Variants in SHROOM3 observed in about 807,000 individuals in gnomAD.
The protein encoded by SHROOM3 is protein Shroom3.
In SHROOM3, 47 loss-of-function variants were observed where a neutral mutation model predicts 138.6. The ratio of observed to expected loss-of-function variants is 0.34; its 90% confidence interval spans 0.27 to 0.43. The LOEUF is 0.43. Ranked by LOEUF, SHROOM3 falls within the 20% of genes least tolerant of loss-of-function variation. The pLI is 1.00. For missense variants in SHROOM3, 2,491 were observed against 2,596.5 expected (o/e 0.96, Z 0.88); for synonymous variants, 1,062 against 1,063.3 (o/e 1.00, Z 0.02).
chr4:76,472,346 T>C (rs1019805181), intron 1 of SHROOM3, among the ~76,000 whole-genome samples: 2 of 152,240 alleles, frequency 1.3e-5, no homozygotes, highest in Non-Finnish European at 2.9e-5. Context: ...ATGATATTTG[T>C]TATCAAATAT....
chr4:76,444,599 C>A (rs750259610), intron 1 of SHROOM3, among the ~76,000 whole-genome samples: 1 of 147,512 alleles, frequency 6.8e-6, no homozygotes, highest in African/African-American at 2.5e-5. Flanking sequence ...CGGGTTCAAG[C>A]GATTCTCCTG....
intron 2 of SHROOM3, among the ~76,000 whole-genome samples, chr4:76,612,012 GAC>G (rs1201618272): frequency 1.3e-5 from 2 of 152,176 alleles, no homozygotes; most frequent in Non-Finnish European, 2.9e-5. Context: ...AACTTGCTCA[GAC>G]ACAGTTCTTT....
At chr4:76,525,889 C>T (rs1732678844) in intron 1 of SHROOM3, among the ~76,000 whole-genome samples, 1 of 152,176 alleles carries the variant, frequency 6.6e-6, no homozygotes, top group Non-Finnish European at 1.5e-5. Context: ...ACATCCTCAT[C>T]TCTTTCCCAG....
At chr4:76,722,033 C>T (rs1162097460) in intron 3 of SHROOM3, among the ~76,000 whole-genome samples, 1 of 152,012 alleles carries the variant, frequency 6.6e-6, no homozygotes, top group Non-Finnish European at 1.5e-5. Context: ...ACTTAGGAGG[C>T]TGTGATGGGA....
chr4:76,743,301 C>T (rs1429975788), intron 5 of SHROOM3, among the ~76,000 whole-genome samples: 1 of 152,230 alleles, frequency 6.6e-6, no homozygotes, highest in African/African-American at 2.4e-5. Context: ...GCTACTTGCT[C>T]TTACCAGTCA....
rs183452071 is a variant in SHROOM3 at position 76,625,629 on chromosome 4, C to T, written c.323+69866C>T. On this transcript the variant is annotated intron_variant, in intron 2 of 10. Transcript: ENST00000296043. The stretch of plus-strand genomic sequence containing the variant: ...CCAGCCTCATACCTGACCACAGCAT[C>T]CTTCCTTTCCTACTTCACACTCCAA... Among the ~76,000 whole-genome samples, 6 of 152,258 alleles carry T rather than the reference C, an allele frequency of 3.9e-5. No individual in the cohort carries two copies. The East Asian group carries it at 1.2e-3, about 29-fold the overall frequency.
intron 2 of SHROOM3, among the ~76,000 whole-genome samples, chr4:76,648,373 C>T (rs1235294296): frequency 6.6e-6 from 1 of 152,138 alleles, no homozygotes; most frequent in Admixed American, 6.5e-5. Flanking sequence ...CTTAACTTTT[C>T]ATAAGTGTCT....
intron 2 of SHROOM3, among the ~76,000 whole-genome samples, chr4:76,669,438 T>A (rs1718812119): frequency 6.6e-6 from 1 of 152,082 alleles, no homozygotes; most frequent in Non-Finnish European, 1.5e-5. Flanking sequence ...CTGGCCAACA[T>A]GGTAAAACCC....
intron 2 of SHROOM3, among the ~76,000 whole-genome samples, chr4:76,700,814 T>G (rs1719884476): frequency 6.6e-6 from 1 of 152,016 alleles, no homozygotes; most frequent in South Asian, 2.1e-4. Context: ...AGAGTCTCAC[T>G]CTGTCACCCA....
At chr4:76,684,237 C>G (rs537618084) in intron 2 of SHROOM3, among the ~76,000 whole-genome samples, 14 of 152,322 alleles carry the variant, frequency 9.2e-5, no homozygotes, top group Admixed American at 9.1e-4. Context: ...CAATTCTTGT[C>G]TCCTTAATGA....
At chr4:76,598,184 G>A (rs989092812) in intron 2 of SHROOM3, among the ~76,000 whole-genome samples, 8 of 152,036 alleles carry the variant, frequency 5.3e-5, no homozygotes, top group Middle Eastern at 3.4e-3. Flanking sequence ...CTGCCACCAC[G>A]CCTGGCTAAT....
intron 2 of SHROOM3, among the ~76,000 whole-genome samples, chr4:76,681,214 C>T: frequency 6.6e-6 from 1 of 152,182 alleles, no homozygotes; most frequent in East Asian, 1.9e-4. Flanking sequence ...CTCCCCTCCT[C>T]TTAGTTAGCA....
At chr4:76,545,934 C>T (rs1733207433) in intron 1 of SHROOM3, among the ~76,000 whole-genome samples, 1 of 152,170 alleles carries the variant, frequency 6.6e-6, no homozygotes, top group Non-Finnish European at 1.5e-5. Flanking sequence ...CACCTCTTTT[C>T]TTATGCTTCC....
At chr4:76,526,966 T>C (rs1189389759) in intron 1 of SHROOM3, among the ~76,000 whole-genome samples, 3 of 152,200 alleles carry the variant, frequency 2.0e-5, no homozygotes, top group African/African-American at 4.8e-5. Context: ...AATGGTAGCA[T>C]ACATTCTTAG....
chr4:76,608,584 GC>G (rs1560563163), intron 2 of SHROOM3, among the ~76,000 whole-genome samples: 25 of 150,474 alleles, frequency 1.7e-4, no homozygotes, highest in African/African-American at 5.9e-4. Flanking sequence ...GCATAGCATA[GC>G]ATAGCATAGC....
intron 5 of SHROOM3, among the ~76,000 whole-genome samples, chr4:76,744,442 C>T (rs1304712782): frequency 6.6e-6 from 1 of 152,214 alleles, no homozygotes; most frequent in African/African-American, 2.4e-5. Context: ...GCACAGCAGC[C>T]AGACCTTAGC....
At chr4:76,620,422 C>A (rs1268882345) in intron 2 of SHROOM3, among the ~76,000 whole-genome samples, 1 of 152,084 alleles carries the variant, frequency 6.6e-6, no homozygotes, top group Non-Finnish European at 1.5e-5. Flanking sequence ...AGGGCGAGAG[C>A]AGAAGTGCCC....
intron 2 of SHROOM3, among the ~76,000 whole-genome samples, chr4:76,624,405 G>T (rs979970866): frequency 3.3e-5 from 5 of 152,130 alleles, no homozygotes; most frequent in African/African-American, 1.2e-4. Context: ...TCACTCAGCT[G>T]CCTGCTTTGC....
intron 2 of SHROOM3, among the ~76,000 whole-genome samples, chr4:76,563,360 C>A (rs1733637209): frequency 6.6e-6 from 1 of 152,070 alleles, no homozygotes; most frequent in African/African-American, 2.4e-5. Flanking sequence ...AGGACAGTAC[C>A]AACTAGGCCC....
Sources: allele counts gnomAD v4.1 joint callset (sites outside exome capture counted in the v4.1 genomes callset), GRCh38; gene constraint gnomAD v4.1.1; transcripts MANE v1.5; gene names NCBI Gene and HGNC (gene_info 2026-07-23, HGNC 2026-07-21).